The following DCDC2 variants were observed in gnomAD, a reference collection of about 807,000 sequenced individuals.
DCDC2 encodes doublecortin domain-containing protein 2.
DCDC2 carries 40 observed loss-of-function variants against 50.2 expected under a neutral mutation model. The observed-to-expected ratio is 0.80, with a 90% confidence interval of 0.62 to 1.04. DCDC2 has a LOEUF of 1.04. Among genes scored for constraint, DCDC2 ranks in the 50% least tolerant of loss-of-function variants. DCDC2 has a pLI of 0.00. For missense variants in DCDC2, 570 were observed against 581.9 expected (o/e 0.98, Z 0.21); for synonymous variants, 234 against 210.6 (o/e 1.11, Z -0.96).
chr6:24,359,426 TA>T (rs1359711662), upstream of DCDC2, among the ~76,000 whole-genome samples: 1 of 68,842 alleles, frequency 1.5e-5, no homozygotes, highest in Non-Finnish European at 2.4e-5. Context: ...ATATTATATA[TA>T]TTTATATATA....
intron 7 of DCDC2, among the ~76,000 whole-genome samples, chr6:24,249,307 G>A (rs914540273): frequency 6.6e-6 from 1 of 152,152 alleles, no homozygotes; most frequent in East Asian, 1.9e-4. Context: ...CATTTAACTA[G>A]TATTAATTGC....
rs112247057 is a variant in DCDC2, at chr6:24,202,717, A to G, written c.1023+2285T>C. On this transcript the variant is annotated intron_variant, in intron 8 of 9. Coordinates refer to ENST00000378454, the MANE Select transcript of DCDC2 (RefSeq NM_016356.5). ...ATTGTCTGTCTTTGTGGATGACATGATTGTATATCTAGAAAACTCCAAGAT... is the reference window on the plus strand; with the variant it reads ...ATTGTCTGTCTTTGTGGATGACATGGTTGTATATCTAGAAAACTCCAAGAT... Among the ~76,000 whole-genome samples, 1,002 of 152,338 alleles carry G rather than the reference A, an allele frequency of 6.6e-3. 4 individuals carry two copies. Among genetic ancestry groups the G allele is most frequent in the South Asian group, 0.017 (81 of 4,828 alleles).
At chr6:24,183,903 C>T (rs1761137042) in intron 8 of DCDC2, among the ~76,000 whole-genome samples, 1 of 152,202 alleles carries the variant, frequency 6.6e-6, no homozygotes, top group South Asian at 2.1e-4. Flanking sequence ...TTCTACAACT[C>T]TGTGTCTACA....
chr6:24,225,043 T>C (rs1012896066), intron 7 of DCDC2, among the ~76,000 whole-genome samples: 2 of 152,108 alleles, frequency 1.3e-5, no homozygotes, highest in Non-Finnish European at 2.9e-5. Context: ...CTCAGAGCCA[T>C]GTAAGAGCCA....
rs978693306 is a variant in DCDC2, at chr6:24,278,191, C to A, written c.780G>T (p.Lys260Asn). 1.2e-6 allele frequency: 2 copies of A among 1,609,404 alleles called. No homozygotes were observed. The highest frequency in any genetic ancestry group is 2.7e-5 in the African/African-American group (2 of 74,424). ...SKGSGNDRHS[K>N]STVGSSDNSS... ...AGTTGTCACTGGATCCAACTGTTGA[C>A]TTAGAGTGGCGATCATTTCCCTAAA... Residue 260 changes from lysine to asparagine, a missense_variant, in exon 7 of 10, where the codon AAG (lysine) becomes AAT (asparagine). Lys to Asn is a moderately conservative substitution (Grantham distance 94, BLOSUM62 0). Coordinates refer to ENST00000378454, the MANE Select transcript of DCDC2 (RefSeq NM_016356.5).
chr6:24,302,059 G>GA lies in DCDC2; in HGVS notation c.349-16dup, dbSNP rs746353912. ...ACTGGTTTTACCTTTAAAAGCAAAGGAAAAAAAATATAAACCACTAAGCTT... is the reference window on the plus strand; with the variant it reads ...ACTGGTTTTACCTTTAAAAGCAAAGGAAAAAAAAATATAAACCACTAAGCTT... On this transcript the variant is annotated splice_polypyrimidine_tract_variant and intron_variant, in intron 2 of 9. Coordinates refer to ENST00000378454, the MANE Select transcript of DCDC2 (RefSeq NM_016356.5). The GA allele has an allele frequency of 5.3e-5, 84 of 1,589,504 alleles. No individual in the cohort carries two copies. In the African/African-American group the frequency reaches 7.0e-4, roughly 13 times the overall value.
intron 2 of DCDC2, among the ~76,000 whole-genome samples, chr6:24,326,981 A>G (rs1759880899): frequency 6.7e-6 from 1 of 149,654 alleles, no homozygotes; most frequent in Admixed American, 6.7e-5. Flanking sequence ...TTTGAGGCCA[A>G]GGATTGTGTT....
intron 7 of DCDC2, among the ~76,000 whole-genome samples, chr6:24,262,156 G>A (rs1008301647): frequency 1.4e-5 from 2 of 138,370 alleles, no homozygotes; most frequent in African/African-American, 2.7e-5. Context: ...TCGTGACACC[G>A]AGAGAGAATC....
chr6:24,322,141 T>C (rs1012590689), intron 2 of DCDC2, among the ~76,000 whole-genome samples: 15 of 152,154 alleles, frequency 9.9e-5, no homozygotes, highest in Admixed American at 9.2e-4. Flanking sequence ...TTTTTTTCAA[T>C]CATGTTTCCT....
At chr6:24,179,271 A>G (rs1048488725) in intron 8 of DCDC2, among the ~76,000 whole-genome samples, 1 of 152,142 alleles carries the variant, frequency 6.6e-6, no homozygotes, top group Non-Finnish European at 1.5e-5. Context: ...GCTGAGGGCC[A>G]GGCACAGTGG....
intron 2 of DCDC2, among the ~76,000 whole-genome samples, chr6:24,321,943 GA>G (rs147154394): frequency 0.077 from 11,643 of 152,132 alleles, 689 homozygotes; most frequent in East Asian, 0.33. Flanking sequence ...TGTTTATCTT[GA>G]AAACATGTAT....
the DCDC2 span, among the ~76,000 whole-genome samples, chr6:24,378,956 GAAAAAAAAAAAA>G: frequency 1.5e-5 from 1 of 67,430 alleles, no homozygotes. Context: ...GTCTCATTTG[GAAAAAAAAAAAA>G]AAAAAAAAAG....
chr6:24,332,746 C>T (rs1377424672), intron 2 of DCDC2, among the ~76,000 whole-genome samples: 5 of 152,132 alleles, frequency 3.3e-5, no homozygotes, highest in Admixed American at 2.6e-4. Context: ...AAACTCATTA[C>T]AGCCATTTTC....
intron 2 of DCDC2, among the ~76,000 whole-genome samples, chr6:24,314,479 AAAAAAC>A (rs151094615): frequency 9.2e-5 from 14 of 151,686 alleles, no homozygotes; most frequent in African/African-American, 3.2e-4. Context: ...GTTGTCTCAA[AAAAAAC>A]AAAAACAAAA....
rs953473456 is a variant in DCDC2, at chr6:24,173,398, T to C, written c.*1332A>G. On this transcript the variant is annotated 3_prime_UTR_variant, in exon 10 of 10. Coordinates refer to ENST00000378454, the MANE Select transcript of DCDC2 (RefSeq NM_016356.5). The stretch of plus-strand genomic sequence containing the variant: ...GTAATTGTGAATTTTAGAAAAGCAC[T>C]AGAAGTTAAAATTTCAAGCTTACAA... 6.6e-6 allele frequency: 1 copy of C among 152,172 alleles called. No homozygotes were observed. Among genetic ancestry groups the C allele is most frequent in the African/African-American group, 2.4e-5 (1 of 41,462 alleles). The allele number at this position is 152,172 out of a possible 1,614,324, so 9.4% of individuals were successfully genotyped here.
chr6:24,341,678 C>G (rs147368566), intron 2 of DCDC2, among the ~76,000 whole-genome samples: 269 of 152,264 alleles, frequency 1.8e-3, no homozygotes, highest in African/African-American at 6.2e-3. Flanking sequence ...TACATGTATA[C>G]TTTCCCACAA....
At chr6:24,282,717 G>A (rs1480404122) in intron 6 of DCDC2, among the ~76,000 whole-genome samples, 1 of 147,108 alleles carries the variant, frequency 6.8e-6, no homozygotes, top group Non-Finnish European at 1.5e-5. Context: ...TTGCCTCAGT[G>A]AGCAGCCTTC....
In DCDC2 at chr6:24,193,147, C is replaced by T. The variant is rs9467068; in HGVS notation, c.1023+11855G>A. 2.0e-5 allele frequency among the ~76,000 whole-genome samples: 3 copies of T among 151,846 alleles called. No individual in the cohort carries two copies. The East Asian group carries it at 5.8e-4, about 29-fold the overall frequency. Reference sequence around the variant, plus strand: ...AGAATTGTATACTTCACCATACTTACAGTCAAGTTTGATTAGAGAAAAAAA... The same window carrying T: ...AGAATTGTATACTTCACCATACTTATAGTCAAGTTTGATTAGAGAAAAAAA... On this transcript the variant is annotated intron_variant, in intron 8 of 9. Transcript: ENST00000378454.
At chr6:24,198,946 A>T (rs1432221898) in intron 8 of DCDC2, among the ~76,000 whole-genome samples, 1 of 152,210 alleles carries the variant, frequency 6.6e-6, no homozygotes, top group Non-Finnish European at 1.5e-5. Context: ...CTGGAGCCAG[A>T]CTGCCTCTCT....
Sources: allele counts gnomAD v4.1 joint callset (sites outside exome capture counted in the v4.1 genomes callset), GRCh38; gene constraint gnomAD v4.1.1; transcripts MANE v1.5; gene names NCBI Gene and HGNC (gene_info 2026-07-23, HGNC 2026-07-21).